ANKRD44: variants seen among roughly 807,000 people sequenced by gnomAD.
ANKRD44 encodes the protein ankyrin repeat domain 44, also known as serine/threonine-protein phosphatase 6 regulatory ankyrin repeat subunit B.
ANKRD44 carries 35 observed loss-of-function variants against 116.0 expected under a neutral mutation model. That is an observed-to-expected ratio of 0.30 (90% confidence interval 0.23 to 0.40). The LOEUF (loss-of-function observed/expected upper bound fraction) is 0.40. ANKRD44 is among the 10% of genes least tolerant of loss of function. The pLI, the probability that ANKRD44 is intolerant of heterozygous loss-of-function variation, is 1.00. For synonymous variants in ANKRD44, 435 were observed against 461.8 expected (o/e 0.94, Z 0.74); for missense variants, 1,014 against 1,242.6 (o/e 0.82, Z 2.77).
chr2:197,012,944 G>C (rs1350146404), intron 18 of ANKRD44, among the ~76,000 whole-genome samples: 1 of 152,000 alleles, frequency 6.6e-6, no homozygotes, highest in Non-Finnish European at 1.5e-5. Flanking sequence ...GGTTTTCATG[G>C]GCATGGAAGA....
At chr2:196,977,884 T>C (rs375413364) in intron 21 of ANKRD44, among the ~76,000 whole-genome samples, 1 of 152,074 alleles carries the variant, frequency 6.6e-6, no homozygotes, top group East Asian at 1.9e-4. Flanking sequence ...CATATGTCCA[T>C]AAAAAAGTCT....
At chr2:197,282,200 C>T (rs1397221885) in intron 1 of ANKRD44, among the ~76,000 whole-genome samples, 7 of 152,002 alleles carry the variant, frequency 4.6e-5, no homozygotes, top group African/African-American at 9.7e-5. Context: ...CTGCAGTGAG[C>T]GGAGATCATG....
intron 1 of ANKRD44, among the ~76,000 whole-genome samples, chr2:197,257,033 C>CAA (rs529122419): frequency 6.7e-6 from 1 of 148,466 alleles, no homozygotes; most frequent in African/African-American, 2.5e-5. Context: ...AGCTCATCTT[C>CAA]AAAAAAAAAA....
chr2:197,134,687 G>A (rs1042763676), intron 4 of ANKRD44: 1 of 152,046 alleles, frequency 6.6e-6, no homozygotes, highest in African/African-American at 2.4e-5. Context: ...AGAGACCATC[G>A]GTCTTAGTTT....
chr2:197,024,290 C>T (rs1252576284), intron 17 of ANKRD44, among the ~76,000 whole-genome samples: 1 of 152,238 alleles, frequency 6.6e-6, no homozygotes, highest in African/African-American at 2.4e-5. Flanking sequence ...CCTTCCCATT[C>T]TTCCTGGTGT....
chr2:197,304,300 C>T (rs1174569460), intron 1 of ANKRD44, among the ~76,000 whole-genome samples: 6 of 152,140 alleles, frequency 3.9e-5, no homozygotes, highest in Admixed American at 3.3e-4. Flanking sequence ...GGAAACAGAG[C>T]GAGACTCTGT....
intron 21 of ANKRD44, among the ~76,000 whole-genome samples, chr2:196,976,796 A>T (rs1277665618): frequency 1.3e-5 from 2 of 152,194 alleles, no homozygotes; most frequent in Admixed American, 1.3e-4. Context: ...TGAGCCCAGG[A>T]AGTCGAGGCT....
In ANKRD44 at chr2:197,125,531, C is replaced by T; in HGVS notation, c.463-63G>A. 6 of 1,432,010 alleles carry T rather than the reference C, an allele frequency of 4.2e-6. No individual in the cohort carries two copies. The South Asian group carries it at 6.9e-5, about 16-fold the overall frequency. The allele number at this position is 1,432,010 out of a possible 1,614,324, so 88.7% of individuals were successfully genotyped here. A position where few individuals can be genotyped will look rare whatever the true frequency, so the allele number is the denominator to read the frequency against. On this transcript the variant is annotated intron_variant, in intron 5 of 27. Coordinates refer to ENST00000282272, the MANE Select transcript of ANKRD44 (RefSeq NM_001195144.2). ...TGTAATGGTGAGGCCTCCTCACTGC[C>T]TGCAGATGATCTGAGCCAAATTAAC...
At chr2:197,034,070 G>GAGAGAGAGAGAA (rs1409112308) in intron 16 of ANKRD44, among the ~76,000 whole-genome samples, 1 of 151,806 alleles carries the variant, frequency 6.6e-6, no homozygotes, top group Non-Finnish European at 1.5e-5. Context: ...GAGAGAGAGA[G>GAGAGAGAGAGAA]AGAGAGAGAG....
At chr2:197,301,239 C>T (rs2083899372) in intron 1 of ANKRD44, 2 of 152,194 alleles carry the variant, frequency 1.3e-5, no homozygotes, top group South Asian at 4.1e-4. Flanking sequence ...CTTACCTGTC[C>T]TTCCCTTTTG....
intron 16 of ANKRD44, among the ~76,000 whole-genome samples, chr2:197,075,160 A>T (rs2077639996): frequency 6.6e-6 from 1 of 152,188 alleles, no homozygotes; most frequent in Non-Finnish European, 1.5e-5. Context: ...TTTTGTAGAC[A>T]ATTTACATAA....
At chr2:197,113,301 A>C (rs2078632336) in intron 8 of ANKRD44, among the ~76,000 whole-genome samples, 1 of 152,182 alleles carries the variant, frequency 6.6e-6, no homozygotes, top group Admixed American at 6.5e-5. Flanking sequence ...CTACTTTGGA[A>C]TAAGGATTTA....
Position 197,198,662 on chromosome 2 carries a change from G to A in ANKRD44, c.28-11556C>T, listed in dbSNP as rs141266232. Among the ~76,000 whole-genome samples the A allele has an allele frequency of 2.6e-3, 397 of 152,030 alleles. 1 individual carries two copies. Among genetic ancestry groups the A allele is most frequent in the African/African-American group, 8.7e-3 (360 of 41,474 alleles). On this transcript the variant is annotated intron_variant, in intron 1 of 27. Coordinates refer to ENST00000282272, the MANE Select transcript of ANKRD44 (RefSeq NM_001195144.2). ...CAAAAAATTAGCCAGGCATGGTGGC[G>A]TGCCCCTGTAATCCCAGCTACTCGG...
chr2:197,272,885 A>G (rs2105785824), intron 1 of ANKRD44, among the ~76,000 whole-genome samples: 1 of 152,308 alleles, frequency 6.6e-6, no homozygotes, highest in African/African-American at 2.4e-5. Context: ...ACCAAAGCAG[A>G]CTAAGACACC....
At chr2:197,124,146 C>T (rs2125334063) in intron 6 of ANKRD44, among the ~76,000 whole-genome samples, 1 of 152,248 alleles carries the variant, frequency 6.6e-6, no homozygotes, top group South Asian at 2.1e-4. Context: ...CTTCAGCCAA[C>T]TCAAAAATCC....
At chr2:197,250,157 C>T (rs1207320777) in intron 1 of ANKRD44, among the ~76,000 whole-genome samples, 1 of 152,122 alleles carries the variant, frequency 6.6e-6, no homozygotes, top group Admixed American at 6.6e-5. Context: ...GTGATGTCAT[C>T]GTAGGTCCAG....
chr2:197,283,376 C>T (rs953106139), intron 1 of ANKRD44, among the ~76,000 whole-genome samples: 3 of 152,194 alleles, frequency 2.0e-5, no homozygotes, highest in Non-Finnish European at 2.9e-5. Context: ...AACCTTCATG[C>T]CAGTCTCTCG....
At chr2:197,087,690 T>C (rs1430116477) in intron 12 of ANKRD44, among the ~76,000 whole-genome samples, 2 of 152,130 alleles carry the variant, frequency 1.3e-5, no homozygotes, top group African/African-American at 4.8e-5. Flanking sequence ...AATCATAACA[T>C]GTAAGAACTT....
intron 1 of ANKRD44, among the ~76,000 whole-genome samples, chr2:197,256,966 G>A (rs2712891): frequency 1.3e-5 from 2 of 151,932 alleles, no homozygotes; most frequent in Non-Finnish European, 2.9e-5. Flanking sequence ...TGCTTTGGGT[G>A]CCTCAGGAGG....
Sources: gnomAD v4.1 joint callset for allele counts (sites outside exome capture counted in the v4.1 genomes callset) on GRCh38, gnomAD v4.1.1 for gene constraint, MANE v1.5 for transcripts, NCBI Gene and HGNC (gene_info 2026-07-23, HGNC 2026-07-21) for gene names.